Variants in TAF5L observed in about 807,000 individuals in gnomAD.
The protein encoded by TAF5L is TAF5-like RNA polymerase II p300/CBP-associated factor-associated factor 65 kDa subunit 5L.
Under a neutral mutation model 51.3 loss-of-function variants are expected in TAF5L, and 7 were observed. That is an observed-to-expected ratio of 0.14 (90% CI 0.08 to 0.26). The LOEUF (loss-of-function observed/expected upper bound fraction) is 0.26. Ranked by LOEUF, TAF5L falls within the 10% of genes least tolerant of loss-of-function variation. The pLI is 1.00. For missense variants in TAF5L, 575 were observed against 758.9 expected (o/e 0.76, Z 2.85); for synonymous variants, 291 against 308.1 (o/e 0.94, Z 0.58).
At chr1:229,613,026 A>G (rs1257138138) in intron 2 of TAF5L, among the ~76,000 whole-genome samples, 3 of 152,114 alleles carry the variant, frequency 2.0e-5, no homozygotes, top group Non-Finnish European at 4.4e-5. Context: ...TAAGTTCAGT[A>G]AAAGAAAGTC....
chr1:229,612,857 AAAG>A (rs1664837220), intron 2 of TAF5L, among the ~76,000 whole-genome samples: 1 of 152,196 alleles, frequency 6.6e-6, no homozygotes. Flanking sequence ...GCCCAGGAAC[AAAG>A]AAGAGAGAAG....
At chr1:229,601,392 T>C (rs1035124671) in intron 4 of TAF5L, 1 of 985,332 alleles carries the variant, frequency 1.0e-6, no homozygotes, top group Non-Finnish European at 1.2e-6. Context: ...AAAAATACTT[T>C]GGCCCACAGC....
In TAF5L at chr1:229,594,167, G is replaced by A. The variant is rs533911123; in HGVS notation, c.*130C>T. The A allele has an allele frequency of 2.9e-5, 32 of 1,119,178 alleles. No homozygotes were observed. The highest frequency in any genetic ancestry group is 3.5e-5 in the Non-Finnish European group (28 of 797,586). The allele number at this position is 1,119,178 out of a possible 1,614,324, so 69.3% of individuals were successfully genotyped here. ...GGGCTGAGTGAAGGGGGACCTGCCCGGAATGAGGGCCCAGGAGAGAGGGGA... is the reference window on the plus strand; with the variant it reads ...GGGCTGAGTGAAGGGGGACCTGCCCAGAATGAGGGCCCAGGAGAGAGGGGA... On this transcript the variant is annotated 3_prime_UTR_variant, in exon 5 of 5. Coordinates refer to ENST00000258281, the Ensembl canonical transcript of TAF5L. This position sits in a 1 kb window ranked among gnomAD's most constrained non-coding sequence, Gnocchi z 7.9.
At position 229,594,098 on chromosome 1, in the gene TAF5L, C is replaced by T. The variant is rs1664021384; in HGVS notation, c.*199G>A. 1.3e-5 allele frequency: 8 copies of T among 599,930 alleles called. No homozygotes were observed. The Admixed American group carries it at 2.2e-4, about 16-fold the overall frequency. The allele number at this position is 599,930 out of a possible 1,614,324, so 37.2% of individuals were successfully genotyped here. A position where few individuals can be genotyped will look rare whatever the true frequency, so the allele number is the denominator to read the frequency against. ...TCTAATTCTTGATCACTCATCATTG[C>T]CTCTCTCCTGTTCCCCTCCCCAACC... On this transcript the variant is annotated 3_prime_UTR_variant, in exon 5 of 5. Coordinates refer to ENST00000258281, the Ensembl canonical transcript of TAF5L. This position sits in a 1 kb window ranked among gnomAD's most constrained non-coding sequence, Gnocchi z 7.9.
chr1:229,606,979 T>A, intron 3 of TAF5L: 3 of 985,468 alleles, frequency 3.0e-6, no homozygotes, highest in Non-Finnish European at 3.6e-6. Context: ...GACTTTAATT[T>A]GCATCTCCAT....
At chr1:229,614,373 T>G in exon 2 of TAF5L, 1 of 1,614,232 alleles carries the variant, frequency 6.2e-7, no homozygotes, top group Non-Finnish European at 8.5e-7. Context: ...TTCAGCAGTC[T>G]GTGACAGCCG....
intron 2 of TAF5L, among the ~76,000 whole-genome samples, chr1:229,610,746 C>T (rs1031270968): frequency 3.3e-5 from 5 of 152,070 alleles, no homozygotes; most frequent in African/African-American, 1.2e-4. Flanking sequence ...TGTCTTTTTG[C>T]TCTACTTTCT....
intron 4 of TAF5L, chr1:229,601,478 AAGG>A: frequency 2.0e-6 from 2 of 985,400 alleles, no homozygotes; most frequent in South Asian, 9.4e-5. Context: ...CATTTTTTCT[AAGG>A]TAGTGATTTT....
chr1:229,619,916 A>C (rs930355278), intron 1 of TAF5L, among the ~76,000 whole-genome samples: 1 of 152,138 alleles, frequency 6.6e-6, no homozygotes, highest in Non-Finnish European at 1.5e-5. Flanking sequence ...TTACAGTCAG[A>C]CCACCTTCCT....
intron 2 of TAF5L, among the ~76,000 whole-genome samples, chr1:229,613,326 T>A (rs1399606292): frequency 3.0e-5 from 3 of 100,020 alleles, no homozygotes; most frequent in African/African-American, 1.3e-4. Context: ...AGAGACTCTG[T>A]CTCAAAAAAA....
intron 3 of TAF5L, chr1:229,606,488 G>A (rs898547436): frequency 1.0e-6 from 1 of 985,326 alleles, no homozygotes; most frequent in Non-Finnish European, 1.2e-6. Flanking sequence ...GAAATTAGTA[G>A]TAAAAAGGAT....
chr1:229,600,083 A>C, intron 4 of TAF5L: 1 of 978,936 alleles, frequency 1.0e-6, no homozygotes, highest in Non-Finnish European at 1.2e-6. Context: ...TTTCAAAATA[A>C]TAGTCTGTTT....
intron 3 of TAF5L, among the ~76,000 whole-genome samples, chr1:229,604,444 C>T (rs910925623): frequency 2.0e-5 from 3 of 152,158 alleles, no homozygotes; most frequent in Non-Finnish European, 2.9e-5. Context: ...CACCCAGCCA[C>T]TTTGGGCTCC....
In TAF5L at chr1:229,594,134, A is replaced by T. The variant is rs1252741276; in HGVS notation, c.*163T>A. 1.1e-5 allele frequency: 9 copies of T among 791,144 alleles called. No homozygotes were observed. The highest frequency in any genetic ancestry group is 1.8e-5 in the African/African-American group (1 of 57,046). The allele number at this position is 791,144 out of a possible 1,614,324, so 49.0% of individuals were successfully genotyped here. A position where few individuals can be genotyped will look rare whatever the true frequency, so the allele number is the denominator to read the frequency against. ...TTCCCCTCCCCAACCTTGGCCTTCG[A>T]CACTGGGGGGCTGAGTGAAGGGGGA... On this transcript the variant is annotated 3_prime_UTR_variant, in exon 5 of 5. Coordinates refer to ENST00000258281, the Ensembl canonical transcript of TAF5L. The surrounding 1 kb of genome is among the most constrained non-coding windows in gnomAD (Gnocchi z 7.9).
At chr1:229,604,126 T>TA (rs1459304886) in intron 3 of TAF5L, among the ~76,000 whole-genome samples, 4 of 151,308 alleles carry the variant, frequency 2.6e-5, no homozygotes, top group Non-Finnish European at 5.9e-5. Flanking sequence ...CATATTTAAA[T>TA]AAATTAAAAT....
intron 4 of TAF5L, among the ~76,000 whole-genome samples, chr1:229,598,701 TTTTTTC>T (rs1664227962): frequency 6.6e-6 from 1 of 151,340 alleles, no homozygotes; most frequent in Non-Finnish European, 1.5e-5. Flanking sequence ...TTTTTTTTTT[TTTTTTC>T]TTTTTTTTTG....
At chr1:229,608,527 G>C (rs149777210) in intron 3 of TAF5L, among the ~76,000 whole-genome samples, 99 of 152,310 alleles carry the variant, frequency 6.5e-4, no homozygotes, top group African/African-American at 2.2e-3. Flanking sequence ...CTTTCATTGA[G>C]AGGTAAGAAC....
chr1:229,609,980 C>A, intron 3 of TAF5L, 126 bp downstream of exon 3: 1 of 720,474 alleles, frequency 1.4e-6, no homozygotes, highest in Admixed American at 2.9e-5. Flanking sequence ...CTGCATTACT[C>A]TATTTTTTAA....
intron 3 of TAF5L, among the ~76,000 whole-genome samples, chr1:229,608,258 A>G (rs968771681): frequency 6.6e-6 from 1 of 152,232 alleles, no homozygotes; most frequent in Admixed American, 6.5e-5. Flanking sequence ...AGGGTTACAA[A>G]ATAAAACCCT....
Sources: gnomAD v4.1 joint callset for allele counts (sites outside exome capture counted in the v4.1 genomes callset) on GRCh38, gnomAD v4.1.1 for gene constraint, Gnocchi (gnomAD v3.1) non-coding constraint, MANE v1.5 for transcripts, NCBI Gene and HGNC (gene_info 2026-07-23, HGNC 2026-07-21) for gene names.